Variants in GPHN observed in about 807,000 individuals in gnomAD.
GPHN encodes gephyrin.
Under a neutral mutation model 95.5 loss-of-function variants are expected in GPHN, and 17 were observed. That is an observed-to-expected ratio of 0.18 (90% CI 0.12 to 0.27). GPHN has a LOEUF of 0.27. Among genes scored for constraint, GPHN ranks in the 10% least tolerant of loss-of-function variants. The pLI is 1.00. For missense variants in GPHN, 660 were observed against 978.1 expected, an observed-to-expected ratio of 0.67 and a Z score of 4.34; for synonymous variants, 320 against 322.5, an observed-to-expected ratio of 0.99 and a Z score of 0.08.
the GPHN span, among the ~76,000 whole-genome samples, chr14:67,275,314 G>C: frequency 1.3e-5 from 2 of 152,144 alleles, no homozygotes; most frequent in African/African-American, 4.8e-5. Context: ...AGTTTATTGA[G>C]AGTTTTTAGC....
intron 1 of GPHN, among the ~76,000 whole-genome samples, chr14:66,569,154 CTA>C (rs1404823456): frequency 1.6e-4 from 25 of 152,194 alleles, no homozygotes; most frequent in African/African-American, 5.3e-4. Context: ...GATGAAAGAA[CTA>C]TTCTCCCTTA....
At chr14:67,042,537 G>C (rs931441141) in intron 10 of GPHN, among the ~76,000 whole-genome samples, 1 of 152,166 alleles carries the variant, frequency 6.6e-6, no homozygotes, top group African/African-American at 2.4e-5. Flanking sequence ...TCACATGGTT[G>C]TAGATGTGTG....
At chr14:66,800,801 G>C (rs574423304) in intron 3 of GPHN, among the ~76,000 whole-genome samples, 21 of 151,962 alleles carry the variant, frequency 1.4e-4, no homozygotes, top group Admixed American at 4.6e-4. Context: ...ATTTCTTTCT[G>C]TATCTCCTCT....
intron 3 of GPHN, among the ~76,000 whole-genome samples, chr14:66,821,841 T>A (rs536944124): frequency 6.6e-6 from 1 of 152,322 alleles, no homozygotes; most frequent in Admixed American, 6.5e-5. Flanking sequence ...TTAATTGCTC[T>A]CAAGATAACA....
chr14:67,200,498 T>C, the GPHN span: 1 of 343,792 alleles, frequency 2.9e-6, no homozygotes. Flanking sequence ...TTTTTTATGT[T>C]GGTCCTGAGT....
chr14:66,877,451 G>T (rs995047128), intron 4 of GPHN, among the ~76,000 whole-genome samples: 1 of 152,076 alleles, frequency 6.6e-6, no homozygotes, highest in African/African-American at 2.4e-5. Flanking sequence ...CAAATTGTCT[G>T]TTTGCAGATG....
chr14:66,897,047 T>G (rs893810102), intron 5 of GPHN, among the ~76,000 whole-genome samples: 3 of 152,112 alleles, frequency 2.0e-5, no homozygotes, highest in Admixed American at 6.6e-5. Context: ...TCAAAAAAAT[T>G]TTATTAAACT....
the GPHN span, chr14:67,577,412 A>G: frequency 1.3e-6 from 2 of 1,571,510 alleles, no homozygotes; most frequent in East Asian, 2.3e-5. Flanking sequence ...CAAGCTCTTC[A>G]AGGTAAATTG....
At chr14:66,993,368 T>A (rs1476840445) in intron 9 of GPHN, among the ~76,000 whole-genome samples, 1 of 152,088 alleles carries the variant, frequency 6.6e-6, no homozygotes, top group Non-Finnish European at 1.5e-5. Flanking sequence ...GTTTTCAGAG[T>A]ACAAAGATAA....
At chr14:67,426,819 C>T in the GPHN span, among the ~76,000 whole-genome samples, 11 of 152,336 alleles carry the variant, frequency 7.2e-5, no homozygotes, top group Middle Eastern at 3.4e-3. Context: ...AGGTGATCCA[C>T]TCAGCTCGGC....
the GPHN span, among the ~76,000 whole-genome samples, chr14:67,274,651 C>A: frequency 6.6e-6 from 1 of 152,142 alleles, no homozygotes; most frequent in African/African-American, 2.4e-5. Context: ...TTTTCCAATT[C>A]TGTGAAGAAA....
chr14:67,732,984 G>A, the GPHN span, among the ~76,000 whole-genome samples: 8 of 152,120 alleles, frequency 5.3e-5, no homozygotes, highest in Non-Finnish European at 1.0e-4. Flanking sequence ...CATGGGGGGA[G>A]CGGGGAGGGA....
intron 3 of GPHN, among the ~76,000 whole-genome samples, chr14:66,799,891 C>G (rs2060283628): frequency 6.6e-6 from 1 of 151,774 alleles, no homozygotes; most frequent in Non-Finnish European, 1.5e-5. Context: ...TTCATCCTGT[C>G]TTTCTTTAGT....
chr14:67,312,299 C>T, the GPHN span: 1 of 293,408 alleles, frequency 3.4e-6, no homozygotes, highest in Non-Finnish European at 6.2e-6. Flanking sequence ...AAATTGTGGC[C>T]AAGTGCAGTG....
At chr14:67,598,175 A>C in the GPHN span, among the ~76,000 whole-genome samples, 1 of 152,166 alleles carries the variant, frequency 6.6e-6, no homozygotes, top group South Asian at 2.1e-4. Context: ...TTACTCTCAT[A>C]AACAGTTTTG....
chr14:66,585,692 A>G (rs984727331), intron 1 of GPHN, among the ~76,000 whole-genome samples: 2 of 151,946 alleles, frequency 1.3e-5, no homozygotes, highest in Non-Finnish European at 2.9e-5. Context: ...CATGTAGTTG[A>G]GCAGTTTTGA....
At chr14:67,151,008 C>T (rs1002796173) in intron 18 of GPHN, among the ~76,000 whole-genome samples, 1 of 152,066 alleles carries the variant, frequency 6.6e-6, no homozygotes, top group Admixed American at 6.5e-5. Flanking sequence ...TATTTATTAT[C>T]TAGGAATTTT....
chr14:66,772,894 GC>G (rs1320932245), intron 2 of GPHN, among the ~76,000 whole-genome samples: 1 of 152,130 alleles, frequency 6.6e-6, no homozygotes, highest in East Asian at 1.9e-4. Flanking sequence ...GATACCGTTT[GC>G]CCCAATGTTG....
the GPHN span, among the ~76,000 whole-genome samples, chr14:67,438,690 A>G: frequency 6.6e-6 from 1 of 151,952 alleles, no homozygotes; most frequent in East Asian, 1.9e-4. Flanking sequence ...GCGAAACCCC[A>G]TCTCTACTAA....
Sources: allele counts gnomAD v4.1 joint callset (sites outside exome capture counted in the v4.1 genomes callset), GRCh38; gene constraint gnomAD v4.1.1; transcripts MANE v1.5; gene names NCBI Gene and HGNC (gene_info 2026-07-23, HGNC 2026-07-21).